Variants in NDUFA8 observed in about 807,000 individuals in gnomAD.
NDUFA8 encodes NADH dehydrogenase [ubiquinone] 1 alpha subcomplex subunit 8.
A neutral mutation model predicts 20.9 loss-of-function variants in NDUFA8; 16 were observed. That is an observed-to-expected ratio of 0.77 (90% CI 0.52 to 1.16). NDUFA8 has a LOEUF of 1.16. Ranked by LOEUF, NDUFA8 falls within the 50% of genes most tolerant of loss-of-function variation. NDUFA8 has a pLI of 0.00. For missense variants in NDUFA8, 202 were observed against 216.4 expected (o/e 0.93, Z 0.42); for synonymous variants, 70 against 76.1 (o/e 0.92, Z 0.41).
At chr9:122,133,013 G>A in the NDUFA8 span, 57 of 456,006 alleles carry the variant, frequency 1.2e-4, no homozygotes, top group African/African-American at 1.0e-3. Context: ...CACTAGCCTC[G>A]GGCCCCTTTC....
chr9:122,143,807 C>T (rs755260428), downstream of NDUFA8, among the ~76,000 whole-genome samples: 17 of 152,168 alleles, frequency 1.1e-4, no homozygotes, highest in Non-Finnish European at 2.1e-4. Context: ...TTGCCTAAGA[C>T]GTTGGATGGA....
At chr9:122,155,212 T>C (rs1829060245) in intron 1 of NDUFA8, among the ~76,000 whole-genome samples, 1 of 152,186 alleles carries the variant, frequency 6.6e-6, no homozygotes, top group Admixed American at 6.6e-5. Flanking sequence ...CCTGAGTAGC[T>C]GGGATTACAG....
At chr9:122,145,648 G>A (rs1339350683) in intron 3 of NDUFA8, among the ~76,000 whole-genome samples, 2 of 152,178 alleles carry the variant, frequency 1.3e-5, no homozygotes, top group Admixed American at 1.3e-4. Flanking sequence ...TATCTCTAGT[G>A]CACAGATGAA....
chr9:122,142,195 T>C (rs1161516231), downstream of NDUFA8, among the ~76,000 whole-genome samples: 1 of 152,200 alleles, frequency 6.6e-6, no homozygotes, highest in Non-Finnish European at 1.5e-5. Context: ...ACCTACTGAA[T>C]CAAAATCATT....
intron 3 of NDUFA8, among the ~76,000 whole-genome samples, chr9:122,146,585 C>T (rs1280907445): frequency 6.6e-6 from 1 of 152,142 alleles, no homozygotes; most frequent in Non-Finnish European, 1.5e-5. Context: ...ATAATCCAAC[C>T]ATTCACAGAT....
intron 3 of NDUFA8, among the ~76,000 whole-genome samples, chr9:122,147,150 T>C (rs772955738): frequency 2.0e-5 from 3 of 152,148 alleles, no homozygotes; most frequent in African/African-American, 4.8e-5. Flanking sequence ...AAAGCCCACA[T>C]TGATCCACCC....
At position 122,148,281 on chromosome 9, in the gene NDUFA8, G is replaced by A; in HGVS notation, c.216-4C>T. On this transcript the variant is annotated splice_region_variant and splice_polypyrimidine_tract_variant and intron_variant, in intron 2 of 3. Transcript: ENST00000373768. The stretch of plus-strand genomic sequence containing the variant: ...TGCACAGTGACGTTTTATCTGCCTG[G>A]AAAAGAAAGCTGGGTTAGGGGCATC... The A allele has an allele frequency of 1.2e-6, 2 of 1,614,068 alleles. No homozygotes were observed. The highest frequency in any genetic ancestry group is 2.2e-5 in the South Asian group (2 of 91,064).
chr9:122,146,975 T>C (rs945792619), intron 3 of NDUFA8, among the ~76,000 whole-genome samples: 2 of 152,164 alleles, frequency 1.3e-5, no homozygotes, highest in Non-Finnish European at 2.9e-5. Context: ...ATGGGTCAGA[T>C]CATAAAGGGC....
In NDUFA8 at chr9:122,144,193, T is replaced by A; in HGVS notation, c.*48A>T. 6.2e-7 allele frequency: 1 copy of A among 1,612,496 alleles called. No homozygotes were observed. The highest frequency in any genetic ancestry group is 2.2e-5 in the East Asian group (1 of 44,876). On this transcript the variant is annotated 3_prime_UTR_variant, in exon 4 of 4. Transcript: ENST00000373768. ...GATGCAAACCGCATGGGCGTTTTCA[T>A]CAGTCGTTGTCTGAGCACATGACCG...
intron 3 of NDUFA8, among the ~76,000 whole-genome samples, chr9:122,145,918 G>A (rs923194078): frequency 6.6e-6 from 1 of 152,186 alleles, no homozygotes; most frequent in Non-Finnish European, 1.5e-5. Flanking sequence ...GGGAGGCTGA[G>A]GCAGGTGGAT....
intron 1 of NDUFA8, among the ~76,000 whole-genome samples, chr9:122,154,212 G>A (rs377253007): frequency 6.1e-4 from 93 of 152,250 alleles, no homozygotes; most frequent in African/African-American, 2.2e-3. Context: ...TGTTGACTAC[G>A]GTACACACCA....
rs772940922 is a variant in NDUFA8 at position 122,152,377 on chromosome 9, G to A, written c.83C>T (p.Ala28Val). 9 of 1,613,880 alleles carry A rather than the reference G, an allele frequency of 5.6e-6. No individual in the cohort carries two copies. Among genetic ancestry groups the A allele is most frequent in the Admixed American group, 3.3e-5 (2 of 59,972 alleles). The change falls in exon 2 of 4, where the codon GCG (alanine) becomes GTG (valine). Residue 28 changes from alanine (A) to valine (V), a missense_variant. Transcript: ENST00000373768. ...VKISSAVLKA[A>V]AHHYGAQCDK... ...ACATTGAGCTCCATAGTGATGGGCCGCAGCTTTAAGCACAGCAGAACTAAT... is the reference window on the plus strand; with the variant it reads ...ACATTGAGCTCCATAGTGATGGGCCACAGCTTTAAGCACAGCAGAACTAAT...
At chr9:122,134,735 G>A in the NDUFA8 span, among the ~76,000 whole-genome samples, 1 of 151,924 alleles carries the variant, frequency 6.6e-6, no homozygotes, top group East Asian at 1.9e-4. Flanking sequence ...GAACCCTTCC[G>A]ATCTTTGGGC....
At chr9:122,147,614 GA>G (rs1828922765) in intron 3 of NDUFA8, among the ~76,000 whole-genome samples, 13 of 124,712 alleles carry the variant, frequency 1.0e-4, no homozygotes, top group African/African-American at 3.8e-4. Flanking sequence ...AAGGCCTAAA[GA>G]AATTTTTTTT....
At chr9:122,137,867 A>G in the NDUFA8 span, among the ~76,000 whole-genome samples, 1 of 152,200 alleles carries the variant, frequency 6.6e-6, no homozygotes, top group African/African-American at 2.4e-5. Flanking sequence ...GTGGCTTGCC[A>G]AGGCCACATA....
At chr9:122,137,831 C>G in the NDUFA8 span, among the ~76,000 whole-genome samples, 1 of 152,164 alleles carries the variant, frequency 6.6e-6, no homozygotes, top group Non-Finnish European at 1.5e-5. Context: ...TATTTTACAG[C>G]TAAAGAAACT....
chr9:122,132,781 G>A, the NDUFA8 span, among the ~76,000 whole-genome samples: 1 of 152,194 alleles, frequency 6.6e-6, no homozygotes, highest in Non-Finnish European at 1.5e-5. Flanking sequence ...GGGCTACGGT[G>A]ACCTGTGAGT....
chr9:122,137,187 A>C, the NDUFA8 span, among the ~76,000 whole-genome samples: 3 of 149,218 alleles, frequency 2.0e-5, 1 homozygote, highest in Middle Eastern at 0.011. Flanking sequence ...CTCTAAACAA[A>C]CTCAGCCTCA....
chr9:122,132,921 T>C, the NDUFA8 span: 1 of 455,934 alleles, frequency 2.2e-6, no homozygotes, highest in Admixed American at 2.4e-5. Flanking sequence ...TTCTTCACCA[T>C]GATGCTGCAG....
Sources: allele counts gnomAD v4.1 joint callset (sites outside exome capture counted in the v4.1 genomes callset), GRCh38; gene constraint gnomAD v4.1.1; transcripts MANE v1.5; gene names NCBI Gene and HGNC (gene_info 2026-07-23, HGNC 2026-07-21).